Variants in TNRC6A observed in about 807,000 individuals in gnomAD.
The protein encoded by TNRC6A is trinucleotide repeat-containing gene 6A protein.
In TNRC6A, 44 loss-of-function variants were observed where a neutral mutation model predicts 221.2. The observed-to-expected ratio is 0.20, with a 90% confidence interval of 0.16 to 0.26. The LOEUF is 0.26. TNRC6A is among the 10% of genes least tolerant of loss of function. The pLI is 1.00. For missense variants in TNRC6A, 2,199 were observed against 2,404.4 expected (o/e 0.91, Z 1.79); for synonymous variants, 847 against 838.5 (o/e 1.01, Z -0.18).
Position 24,790,624 on chromosome 16 carries a change from G to T in TNRC6A, c.1982G>T (p.Ser661Ile). ...SATSQTNEQS[S>I]VWAKTGGTVE... ...ACATCTCAGACAAATGAGCAAAGCA[G>T]TGTGTGGGCCAAAACAGGAGGTACA... The change falls in exon 6 of 25, where the codon AGT becomes ATT. Residue 661 changes from serine (S) to isoleucine (I), a missense_variant. Transcript: ENST00000395799. 6.2e-7 allele frequency: 1 copy of T among 1,614,248 alleles called. No homozygotes were observed. Among genetic ancestry groups the T allele is most frequent in the Non-Finnish European group, 8.5e-7 (1 of 1,180,038 alleles).
chr16:24,795,350 C>T (rs949290317), intron 8 of TNRC6A, among the ~76,000 whole-genome samples: 4 of 152,178 alleles, frequency 2.6e-5, no homozygotes, highest in Admixed American at 6.5e-5. Context: ...AGAAACTCCT[C>T]AAATGTCTCT....
chr16:24,651,564 A>C (rs1394441210), intron 2 of TNRC6A, among the ~76,000 whole-genome samples: 4 of 135,852 alleles, frequency 2.9e-5, no homozygotes, highest in East Asian at 2.2e-4. Context: ...AAAAAAAAAA[A>C]CATAAAATAG....
chr16:24,724,458 A>G lies in TNRC6A; in HGVS notation n.403-26268A>G, dbSNP rs1264155353. On this transcript the variant is annotated intron_variant and non_coding_transcript_variant, in intron 2 of 2. Coordinates refer to the TNRC6A transcript ENST00000566108. ...TACATTTTAGTTAAATAAGATAAAT[A>G]CACTTGGCTGTGCGTGGTGGCTCAC... Among the ~76,000 whole-genome samples the G allele has an allele frequency of 2.6e-5, 4 of 152,312 alleles. No homozygotes were observed. The East Asian group carries it at 7.7e-4, about 29-fold the overall frequency.
At position 24,804,298 on chromosome 16, in the gene TNRC6A, G is replaced by A. The variant is rs745591156; in HGVS notation, c.3816G>A (p.Glu1272=). 2.5e-6 allele frequency: 4 copies of A among 1,612,906 alleles called. No individual in the cohort carries two copies. Among genetic ancestry groups the A allele is most frequent in the African/African-American group, 1.3e-5 (1 of 74,948 alleles). Residue 1272 remains glutamate (E), a synonymous_variant, in exon 12 of 25, where the codon GAG becomes GAA. Transcript: ENST00000395799. ...AGATTTCCAAAGAGTCTTCCATGGA[G>A]CGCAATCCTTATTTTGATAAGGTAA... ...RPQISKESSM[E]RNPYFDKDGI...
At chr16:24,650,708 C>T (rs186579409) in intron 2 of TNRC6A, among the ~76,000 whole-genome samples, 44 of 151,326 alleles carry the variant, frequency 2.9e-4, no homozygotes, top group African/African-American at 1.0e-3. Context: ...TCAAACCAAA[C>T]GAATTGACAC....
chr16:24,740,257 T>TA (rs925577832), intron 2 of TNRC6A, among the ~76,000 whole-genome samples: 6 of 152,028 alleles, frequency 3.9e-5, no homozygotes, highest in South Asian at 2.1e-4. Context: ...GACTAATTAT[T>TA]AAAAAAAAAT....
At position 24,771,447 on chromosome 16, in the gene TNRC6A, A is replaced by G. The variant is rs78704342; in HGVS notation, c.164-5486A>G. 8.6e-3 allele frequency among the ~76,000 whole-genome samples: 1,303 copies of G among 152,132 alleles called. 22 individuals carry two copies. The highest frequency in any genetic ancestry group is 0.03 in the African/African-American group (1,237 of 41,472). On this transcript the variant is annotated intron_variant, in intron 4 of 24. Coordinates refer to ENST00000395799, the MANE Select transcript of TNRC6A (RefSeq NM_014494.4). ...TCCTGGGACAGTTTAGGTAAGATTA[A>G]TATTACATGTTTCTTGAGGATACAC...
At chr16:24,753,143 CAT>C (rs2057174094) in intron 3 of TNRC6A, among the ~76,000 whole-genome samples, 2 of 152,178 alleles carry the variant, frequency 1.3e-5, no homozygotes, top group African/African-American at 2.4e-5. Context: ...GCCTGTAACA[CAT>C]GAGTGGTGAT....
intron 2 of TNRC6A, among the ~76,000 whole-genome samples, chr16:24,667,359 G>T (rs1432903793): frequency 6.6e-6 from 1 of 152,104 alleles, no homozygotes; most frequent in Non-Finnish European, 1.5e-5. Flanking sequence ...GCAACAACAG[G>T]GATCCCAAAG....
At chr16:24,682,852 C>T (rs1358155309) in intron 2 of TNRC6A, among the ~76,000 whole-genome samples, 2 of 152,180 alleles carry the variant, frequency 1.3e-5, no homozygotes, top group Non-Finnish European at 2.9e-5. Context: ...ACAAGGGAGC[C>T]CATCGAACAG....
At chr16:24,671,628 G>A (rs993715018) in intron 2 of TNRC6A, among the ~76,000 whole-genome samples, 3 of 152,196 alleles carry the variant, frequency 2.0e-5, no homozygotes, top group African/African-American at 4.8e-5. Context: ...TGGGGAAATC[G>A]AGCCTAGAAA....
intron 1 of TNRC6A, among the ~76,000 whole-genome samples, chr16:24,639,178 G>C (rs1046041784): frequency 5.3e-5 from 8 of 152,162 alleles, no homozygotes; most frequent in African/African-American, 1.9e-4. Flanking sequence ...TTGTGTGAAT[G>C]TTTGTCATAG....
At chr16:24,702,576 T>A (rs1184930194) in intron 2 of TNRC6A, among the ~76,000 whole-genome samples, 4 of 152,132 alleles carry the variant, frequency 2.6e-5, no homozygotes, top group Admixed American at 2.6e-4. Flanking sequence ...CAGTAACAGC[T>A]TTTTTGAGAA....
At chr16:24,743,955 A>G (rs1017775136) in intron 2 of TNRC6A, among the ~76,000 whole-genome samples, 5 of 152,148 alleles carry the variant, frequency 3.3e-5, no homozygotes, top group Admixed American at 6.5e-5. Context: ...AACGAAATCT[A>G]TTTTTTCTTG....
Position 24,640,412 on chromosome 16 carries a change from G to GAA in TNRC6A, n.277-461_277-460dup, listed in dbSNP as rs57974727. Among the ~76,000 whole-genome samples the GAA allele has an allele frequency of 3.7e-3, 505 of 136,128 alleles. 3 individuals carry two copies. Among genetic ancestry groups the GAA allele is most frequent in the African/African-American group, 0.013 (475 of 37,622 alleles). The allele number at this position is 136,128 out of a possible 152,430, so 89.3% of individuals were successfully genotyped here. A position where few individuals can be genotyped will look rare whatever the true frequency, so the allele number is the denominator to read the frequency against. ...AAAATCCTGTCCAAAAAAAAAGAAA[G>GAA]AAAAAAAAAAAAGGAAGAAAAAGAA... On this transcript the variant is annotated intron_variant and non_coding_transcript_variant, in intron 1 of 2. Transcript: ENST00000566108.
At chr16:24,645,913 A>G (rs887634560) in intron 2 of TNRC6A, among the ~76,000 whole-genome samples, 12 of 140,368 alleles carry the variant, frequency 8.5e-5, no homozygotes, top group African/African-American at 2.9e-4. Flanking sequence ...CAGCTACTTG[A>G]GGGGCTGAGG....
intron 2 of TNRC6A, among the ~76,000 whole-genome samples, chr16:24,695,893 C>T (rs534079671): frequency 6.6e-6 from 1 of 152,272 alleles, no homozygotes; most frequent in Admixed American, 6.5e-5. Flanking sequence ...ATTGGCTCAA[C>T]CTCAGTTCTA....
At chr16:24,657,705 T>A (rs1431232381) in intron 2 of TNRC6A, among the ~76,000 whole-genome samples, 1 of 107,810 alleles carries the variant, frequency 9.3e-6, no homozygotes, top group African/African-American at 3.3e-5. Context: ...CAAAGCTCCA[T>A]CTCAAAAAAA....
At chr16:24,754,687 G>C (rs1021837617) in intron 3 of TNRC6A, among the ~76,000 whole-genome samples, 1 of 152,164 alleles carries the variant, frequency 6.6e-6, no homozygotes. Flanking sequence ...GAAAATAGAG[G>C]TTGAGAAATA....
Sources: gnomAD v4.1 joint callset for allele counts (sites outside exome capture counted in the v4.1 genomes callset) on GRCh38, gnomAD v4.1.1 for gene constraint, MANE v1.5 for transcripts, NCBI Gene and HGNC (gene_info 2026-07-23, HGNC 2026-07-21) for gene names.